Variants in STK33 observed in about 807,000 individuals in gnomAD.
STK33 encodes serine/threonine-protein kinase 33.
A neutral mutation model predicts 58.0 loss-of-function variants in STK33; 52 were observed. The ratio of observed to expected loss-of-function variants is 0.90; its 90% CI spans 0.72 to 1.13. The LOEUF is 1.13. Among genes scored for constraint, STK33 ranks in the 50% most tolerant of loss-of-function variants. STK33 has a pLI of 0.00. For synonymous variants in STK33, 215 were observed against 200.1 expected (o/e 1.07, Z -0.63); for missense variants, 630 against 604.2 (o/e 1.04, Z -0.45).
intron 1 of STK33, among the ~76,000 whole-genome samples, chr11:8,522,822 C>A (rs901860048): frequency 6.6e-6 from 1 of 152,158 alleles, no homozygotes; most frequent in Non-Finnish European, 1.5e-5. Flanking sequence ...CCCCTTTCCA[C>A]GGTCTCCCTC....
intron 11 of STK33, among the ~76,000 whole-genome samples, chr11:8,444,043 A>G (rs117618261): frequency 0.053 from 8,092 of 152,214 alleles, 292 homozygotes; most frequent in Non-Finnish European, 0.071. Context: ...AAACCAAAAT[A>G]AAGAACAAAG....
chr11:8,344,861 G>A, the STK33 span, among the ~76,000 whole-genome samples: 1 of 152,186 alleles, frequency 6.6e-6, no homozygotes, highest in Non-Finnish European at 1.5e-5. Context: ...ATCCTGTGCG[G>A]TGCAGACCCT....
At position 8,530,467 on chromosome 11, in the gene STK33, G is replaced by A. The variant is rs188883707; in HGVS notation, c.-465-49853C>T. ...TTATTACACATGTTGGAAAAATAGG[G>A]GGAAAAAAATCTACCACCACCACCA... On this transcript the variant is annotated intron_variant, in intron 1 of 15. Coordinates refer to ENST00000687296, the MANE Select transcript of STK33 (RefSeq NM_001352389.2). Among the ~76,000 whole-genome samples the A allele has an allele frequency of 8.3e-3, 1,229 of 147,414 alleles. 10 individuals are homozygous for A. The highest frequency in any genetic ancestry group is 0.05 in the Middle Eastern group (14 of 282).
chr11:8,355,211 G>C, the STK33 span, among the ~76,000 whole-genome samples: 1 of 152,200 alleles, frequency 6.6e-6, no homozygotes, highest in East Asian at 1.9e-4. Flanking sequence ...GTGCCAGGGA[G>C]AAGATTCCCA....
intron 11 of STK33, among the ~76,000 whole-genome samples, chr11:8,446,586 A>G (rs1021932457): frequency 6.6e-6 from 1 of 152,210 alleles, no homozygotes. Flanking sequence ...GGCTACAGTA[A>G]CCAAAACAGC....
At chr11:8,418,179 G>A (rs998456446) in intron 14 of STK33, among the ~76,000 whole-genome samples, 11 of 152,008 alleles carry the variant, frequency 7.2e-5, no homozygotes, top group African/African-American at 2.7e-4. Flanking sequence ...TCGTTGGACA[G>A]ATTATTTTGT....
rs144787293 is a variant in STK33 at position 8,468,455 on chromosome 11, C to G, written c.340-3633G>C. 3.3e-5 allele frequency among the ~76,000 whole-genome samples: 5 copies of G among 152,294 alleles called. No individual in the cohort carries two copies. The East Asian group carries it at 9.6e-4, about 29-fold the overall frequency. ...TTCCCTTCTTTTGTAACAGAAAATT[C>G]AACGCCCAACTAATTACTCACCTCC... is the stretch of plus-strand genomic sequence containing the variant. On this transcript the variant is annotated intron_variant, in intron 6 of 15. Coordinates refer to ENST00000687296, the MANE Select transcript of STK33 (RefSeq NM_001352389.2).
chr11:8,383,498 T>C, the STK33 span, among the ~76,000 whole-genome samples: 15 of 152,016 alleles, frequency 9.9e-5, no homozygotes, highest in Non-Finnish European at 8.8e-5. Context: ...TGAGGAAGAG[T>C]TGGGCTGAAG....
At chr11:8,475,838 T>G (rs574624120) in intron 4 of STK33, 1 of 152,310 alleles carries the variant, frequency 6.6e-6, no homozygotes, top group Non-Finnish European at 1.5e-5. Context: ...TATGGTTTTA[T>G]GCTATACCAT....
chr11:8,449,361 T>C (rs1422528574), intron 11 of STK33, among the ~76,000 whole-genome samples: 24 of 151,470 alleles, frequency 1.6e-4, no homozygotes, highest in Non-Finnish European at 3.2e-4. Flanking sequence ...CTATTCACAA[T>C]AGCAAAGACT....
At chr11:8,461,755 A>G in intron 8 of STK33, 50 bp downstream of exon 8, 2 of 1,407,704 alleles carry the variant, frequency 1.4e-6, no homozygotes, top group Non-Finnish European at 1.9e-6. Flanking sequence ...AATGATATTC[A>G]TTTTGTAATA....
chr11:8,412,795 T>C (rs1323792426), intron 15 of STK33, among the ~76,000 whole-genome samples: 12 of 152,042 alleles, frequency 7.9e-5, no homozygotes, highest in Non-Finnish European at 5.9e-5. Flanking sequence ...TTTCTGCAAA[T>C]TCAGAAACAA....
At chr11:8,419,789 C>T (rs1368011661) in intron 14 of STK33, among the ~76,000 whole-genome samples, 2 of 151,414 alleles carry the variant, frequency 1.3e-5, no homozygotes, top group Non-Finnish European at 2.9e-5. Flanking sequence ...TAATATGAAC[C>T]CATTTGTGTA....
intron 1 of STK33, among the ~76,000 whole-genome samples, chr11:8,530,107 A>G (rs1349016925): frequency 6.6e-6 from 1 of 152,206 alleles, no homozygotes; most frequent in East Asian, 1.9e-4. Flanking sequence ...ATCTACAAAG[A>G]TGAGAATGTG....
At chr11:8,444,732 T>C (rs1052959433) in intron 11 of STK33, among the ~76,000 whole-genome samples, 3 of 152,074 alleles carry the variant, frequency 2.0e-5, no homozygotes, top group African/African-American at 4.8e-5. Flanking sequence ...ATCAAAATGA[T>C]TCAAGAAAAT....
chr11:8,419,391 C>A (rs762760631), intron 14 of STK33, among the ~76,000 whole-genome samples: 4 of 152,196 alleles, frequency 2.6e-5, no homozygotes, highest in South Asian at 4.1e-4. Context: ...CAGATGGTCA[C>A]AGATGTGAGG....
chr11:8,403,601 T>C (rs918352043), intron 15 of STK33, among the ~76,000 whole-genome samples: 1 of 152,214 alleles, frequency 6.6e-6, no homozygotes, highest in African/African-American at 2.4e-5. Context: ...TTCTTACCAT[T>C]TGGGACAGTT....
intron 1 of STK33, among the ~76,000 whole-genome samples, chr11:8,567,490 A>G (rs1957529625): frequency 6.6e-6 from 1 of 152,230 alleles, no homozygotes. Context: ...AAGAAAAACA[A>G]AAGAGTCTTT....
chr11:8,362,365 C>T, the STK33 span, among the ~76,000 whole-genome samples: 2 of 152,092 alleles, frequency 1.3e-5, no homozygotes, highest in Non-Finnish European at 2.9e-5. Flanking sequence ...TCATTTGGCG[C>T]CCGGAATGCT....
Sources: allele counts gnomAD v4.1 joint callset (sites outside exome capture counted in the v4.1 genomes callset), GRCh38; gene constraint gnomAD v4.1.1; transcripts MANE v1.5; gene names NCBI Gene and HGNC (gene_info 2026-07-23, HGNC 2026-07-21).